NRXN1: variants seen among roughly 807,000 people sequenced by gnomAD.
NRXN1 encodes the protein neurexin-1.
Under a neutral mutation model 150.9 loss-of-function variants are expected in NRXN1, and 39 were observed. The observed-to-expected ratio is 0.26, with a 90% CI of 0.20 to 0.34. NRXN1 has a LOEUF of 0.34. NRXN1 is among the 10% of genes least tolerant of loss of function. The pLI is 1.00. For missense variants in NRXN1, 1,815 were observed against 1,949.9 expected, an observed-to-expected ratio of 0.93 and a Z score of 1.30; for synonymous variants, 924 against 757.0, an observed-to-expected ratio of 1.22 and a Z score of -3.62.
intron 17 of NRXN1, among the ~76,000 whole-genome samples, chr2:50,431,612 T>A (rs2084969513): frequency 6.6e-6 from 1 of 152,204 alleles, no homozygotes; most frequent in African/African-American, 2.4e-5. Flanking sequence ...ACATTTGACA[T>A]CATGTAAAAG....
Position 50,107,537 on chromosome 2 carries a change from A to AT in NRXN1, c.3547-16044dup, listed in dbSNP as rs1362667904. Among the ~76,000 whole-genome samples the AT allele has an allele frequency of 2.3e-3, 275 of 122,146 alleles. 1 individual carries two copies. Among genetic ancestry groups the AT allele is most frequent in the African/African-American group, 7.3e-3 (233 of 32,116 alleles). The allele number at this position is 122,146 out of a possible 152,430, so 80.1% of individuals were successfully genotyped here. A position where few individuals can be genotyped will look rare whatever the true frequency, so the allele number is the denominator to read the frequency against. On this transcript the variant is annotated intron_variant, in intron 18 of 22. Coordinates refer to ENST00000401669, the MANE Select transcript of NRXN1 (RefSeq NM_001330078.2). The stretch of plus-strand genomic sequence containing the variant: ...CCAGACTACATATATATATATATAT[A>AT]TATTTTTTTTTTTTACCCAAGTACT...
rs140692864 is a variant in NRXN1, at chr2:50,269,557, A to G, written c.3365-32587T>C. Among the ~76,000 whole-genome samples the G allele has an allele frequency of 2.5e-3, 386 of 152,330 alleles. 1 individual carries two copies. The highest frequency in any genetic ancestry group is 8.9e-3 in the African/African-American group (369 of 41,572). ...AATCTGACTTTTTAAACATGTCAAC[A>G]TATCTCCAATATTGTCATGAATATA... On this transcript the variant is annotated intron_variant, in intron 17 of 22. Coordinates refer to ENST00000401669, the MANE Select transcript of NRXN1 (RefSeq NM_001330078.2).
rs541921230 is a variant in NRXN1 at position 50,628,765 on chromosome 2, T to C, written c.833-5150A>G. On this transcript the variant is annotated intron_variant, in intron 5 of 22. Transcript: ENST00000401669. ...GAAATTAGACCCAAAGCCACGTAAA[T>C]GTCAATAAATACTTATATCTAGGAT... Among the ~76,000 whole-genome samples the C allele has an allele frequency of 2.0e-3, 302 of 151,594 alleles. 2 individuals carry two copies. Among genetic ancestry groups the C allele is most frequent in the Non-Finnish European group, 1.5e-3 (103 of 67,702 alleles).
At chr2:50,207,381 G>T (rs1046156585) in intron 18 of NRXN1, among the ~76,000 whole-genome samples, 1 of 151,934 alleles carries the variant, frequency 6.6e-6, no homozygotes, top group Non-Finnish European at 1.5e-5. Context: ...ATAATCCCTT[G>T]TGGTCACAAT....
chr2:50,049,565 C>T (rs1692376543), intron 21 of NRXN1, among the ~76,000 whole-genome samples: 1 of 152,046 alleles, frequency 6.6e-6, no homozygotes, highest in African/African-American at 2.4e-5. Flanking sequence ...ATGTATGTAG[C>T]TTGTAAAATA....
rs111314402 is a variant in NRXN1 at position 50,122,185 on chromosome 2, C to G, written c.3547-30691G>C. 1.5e-3 allele frequency among the ~76,000 whole-genome samples: 226 copies of G among 152,306 alleles called. 2 individuals are homozygous for G. Among genetic ancestry groups the G allele is most frequent in the African/African-American group, 3.7e-3 (155 of 41,574 alleles). On this transcript the variant is annotated intron_variant, in intron 18 of 22. Coordinates refer to ENST00000401669, the MANE Select transcript of NRXN1 (RefSeq NM_001330078.2). ...ATTTGTTTACCAAAATCTATTCACA[C>G]TTGTTGAAAAGCATCTTTCTTCACT...
intron 17 of NRXN1, among the ~76,000 whole-genome samples, chr2:50,370,477 T>G (rs183697714): frequency 1.3e-3 from 205 of 152,128 alleles, no homozygotes; most frequent in Non-Finnish European, 2.4e-3. Context: ...AATGATGCTT[T>G]CTGGCATGTC....
intron 18 of NRXN1, among the ~76,000 whole-genome samples, chr2:50,173,963 T>G (rs1372690572): frequency 6.6e-6 from 1 of 152,106 alleles, no homozygotes; most frequent in East Asian, 1.9e-4. Context: ...GCATATGCAC[T>G]AAGTGTCTTT....
intron 17 of NRXN1, among the ~76,000 whole-genome samples, chr2:50,454,351 A>G (rs1172400610): frequency 6.6e-6 from 1 of 152,052 alleles, no homozygotes; most frequent in African/African-American, 2.4e-5. Flanking sequence ...ATAAATAAAA[A>G]TAATTAATAT....
chr2:50,514,645 G>C, intron 12 of NRXN1, among the ~76,000 whole-genome samples: 1 of 152,206 alleles, frequency 6.6e-6, no homozygotes, highest in East Asian at 1.9e-4. Context: ...CTATTGCAAT[G>C]TAAAAGCAAG....
intron 17 of NRXN1, among the ~76,000 whole-genome samples, chr2:50,465,235 C>T (rs1258580603): frequency 1.3e-5 from 2 of 151,796 alleles, no homozygotes; most frequent in Middle Eastern, 3.4e-3. Flanking sequence ...AACCCAAAAA[C>T]CAAAGAATCA....
intron 17 of NRXN1, among the ~76,000 whole-genome samples, chr2:50,438,477 TAACAGAAA>T (rs1420254215): frequency 6.6e-6 from 1 of 152,234 alleles, no homozygotes; most frequent in East Asian, 1.9e-4. Flanking sequence ...TCAAAAATGC[TAACAGAAA>T]ATGGCAGGCT....
intron 18 of NRXN1, among the ~76,000 whole-genome samples, chr2:50,124,465 C>G (rs184062978): frequency 9.5e-4 from 144 of 152,098 alleles, no homozygotes; most frequent in African/African-American, 3.3e-3. Context: ...CCTACTTTTT[C>G]CCATTGTTAA....
intron 5 of NRXN1, chr2:50,631,096 A>C (rs1682234156): frequency 2.2e-6 from 1 of 453,830 alleles, no homozygotes; most frequent in Non-Finnish European, 4.5e-6. Flanking sequence ...AGTAAAAATC[A>C]CATTACTTTC....
At chr2:50,828,349 G>C (rs1407524451) in intron 5 of NRXN1, among the ~76,000 whole-genome samples, 5 of 150,478 alleles carry the variant, frequency 3.3e-5, no homozygotes, top group Admixed American at 3.3e-4. Flanking sequence ...TCCCAGATGG[G>C]GCGGCTGGCC....
At chr2:49,996,792 C>T (rs938765658) in intron 21 of NRXN1, among the ~76,000 whole-genome samples, 1 of 152,134 alleles carries the variant, frequency 6.6e-6, no homozygotes, top group African/African-American at 2.4e-5. Context: ...ACTTCCAACC[C>T]CTAGAACTGT....
chr2:51,010,908 A>T (rs115632098), intron 2 of NRXN1, among the ~76,000 whole-genome samples: 3,798 of 151,930 alleles, frequency 0.025, 70 homozygotes, highest in Middle Eastern at 0.071. Context: ...AGCCTCAAAA[A>T]TAGCAGGAAC....
intron 2 of NRXN1, among the ~76,000 whole-genome samples, chr2:50,953,971 T>C (rs1021672219): frequency 6.6e-6 from 1 of 152,156 alleles, no homozygotes; most frequent in African/African-American, 2.4e-5. Context: ...AAAAAACTTT[T>C]CATAGCTGAA....
chr2:50,112,566 T>C (rs555596906), intron 18 of NRXN1, among the ~76,000 whole-genome samples: 86 of 152,320 alleles, frequency 5.6e-4, no homozygotes, highest in Admixed American at 1.2e-3. Flanking sequence ...TCCTTTGAAA[T>C]ACACTTTTAA....
Sources: allele counts gnomAD v4.1 joint callset (sites outside exome capture counted in the v4.1 genomes callset), GRCh38; gene constraint gnomAD v4.1.1; transcripts MANE v1.5; gene names NCBI Gene and HGNC (gene_info 2026-07-23, HGNC 2026-07-21).